Variants in ENOX1 observed in about 807,000 individuals in gnomAD.
ENOX1 encodes ecto-NOX disulfide-thiol exchanger 1.
In ENOX1, 42 loss-of-function variants were observed where a neutral mutation model predicts 82.5. The ratio of observed to expected loss-of-function variants is 0.51; its 90% CI spans 0.40 to 0.66. ENOX1 has a LOEUF of 0.66. Among genes scored for constraint, ENOX1 ranks in the 30% least tolerant of loss-of-function variants. ENOX1 has a pLI of 0.00. For synonymous variants in ENOX1, 271 were observed against 282.2 expected (o/e 0.96, Z 0.40); for missense variants, 608 against 811.6 (o/e 0.75, Z 3.05).
intron 14 of ENOX1, among the ~76,000 whole-genome samples, chr13:43,246,889 A>C (rs1426934995): frequency 2.0e-5 from 3 of 152,224 alleles, no homozygotes; most frequent in Middle Eastern, 3.2e-3. Flanking sequence ...GAAGGAATGG[A>C]AAGAAGCCAT....
At chr13:43,639,963 A>G (rs986671340) in intron 2 of ENOX1, among the ~76,000 whole-genome samples, 3 of 152,180 alleles carry the variant, frequency 2.0e-5, no homozygotes, top group Non-Finnish European at 4.4e-5. Flanking sequence ...CAGGAGGTAG[A>G]TGTTGCAATG....
intron 8 of ENOX1, among the ~76,000 whole-genome samples, chr13:43,354,138 G>GA (rs1482923630): frequency 6.6e-6 from 1 of 152,168 alleles, no homozygotes; most frequent in Non-Finnish European, 1.5e-5. Context: ...GGATATTAAA[G>GA]AAAAATTATT....
chr13:43,610,656 G>A (rs2082161510), intron 2 of ENOX1, among the ~76,000 whole-genome samples: 1 of 152,060 alleles, frequency 6.6e-6, no homozygotes, highest in Non-Finnish European at 1.5e-5. Flanking sequence ...ATTCAGGAGG[G>A]CAGAGGTAAC....
At chr13:43,568,555 T>C (rs2080022251) in intron 2 of ENOX1, among the ~76,000 whole-genome samples, 1 of 152,184 alleles carries the variant, frequency 6.6e-6, no homozygotes, top group Non-Finnish European at 1.5e-5. Context: ...TTCTAGGGGT[T>C]AAGCCAGATC....
At chr13:43,515,563 A>C (rs558864423) in intron 2 of ENOX1, among the ~76,000 whole-genome samples, 1 of 152,294 alleles carries the variant, frequency 6.6e-6, no homozygotes, top group African/African-American at 2.4e-5. Context: ...AAGGTAGATA[A>C]TAGTATTACA....
intron 9 of ENOX1, among the ~76,000 whole-genome samples, chr13:43,333,914 T>C (rs757782684): frequency 1.3e-5 from 2 of 152,248 alleles, no homozygotes; most frequent in Non-Finnish European, 2.9e-5. Context: ...TGAGCCACCG[T>C]GCCCAGCCCT....
Position 43,616,141 on chromosome 13 carries a change from GATATCTAT to G in ENOX1, c.-219+51330_-219+51337del, listed in dbSNP as rs2082429425. Among the ~76,000 whole-genome samples the G allele has an allele frequency of 4.9e-5, 3 of 60,990 alleles. No individual in the cohort carries two copies. In the East Asian group the frequency reaches 1.0e-3, roughly 21 times the overall value. The allele number at this position is 60,990 out of a possible 152,430, so 40.0% of individuals were successfully genotyped here. On this transcript the variant is annotated intron_variant, in intron 2 of 16. Coordinates refer to ENST00000690772, the MANE Select transcript of ENOX1 (RefSeq NM_001347969.2). ...AGATCTATAGATATCTATCTATCTA[GATATCTAT>G]ATAGATAGATATCTATCTATCTATC...
At chr13:43,752,852 T>C (rs74697267) in intron 1 of ENOX1, among the ~76,000 whole-genome samples, 2,267 of 151,992 alleles carry the variant, frequency 0.015, 51 homozygotes, top group African/African-American at 0.05. Context: ...TCCAGGTTCA[T>C]TGCATTTCTT....
At chr13:43,216,423 T>C (rs2041487375) in intron 16 of ENOX1, among the ~76,000 whole-genome samples, 1 of 152,220 alleles carries the variant, frequency 6.6e-6, no homozygotes, top group Admixed American at 6.5e-5. Flanking sequence ...TGTGTGTGTA[T>C]GGAATATTGA....
chr13:43,282,874 C>T (rs2045474259), intron 12 of ENOX1, among the ~76,000 whole-genome samples: 2 of 151,312 alleles, frequency 1.3e-5, no homozygotes, highest in African/African-American at 2.4e-5. Context: ...GGGTAGATCA[C>T]GAGGTCAGGA....
chr13:43,771,799 C>T (rs1951623186), intron 1 of ENOX1, among the ~76,000 whole-genome samples: 1 of 151,454 alleles, frequency 6.6e-6, no homozygotes, highest in African/African-American at 2.4e-5. Flanking sequence ...GAGTCTCGCT[C>T]TGTCGCCCAG....
intron 1 of ENOX1, among the ~76,000 whole-genome samples, chr13:43,752,816 T>C (rs1157680428): frequency 6.6e-6 from 1 of 152,132 alleles, no homozygotes; most frequent in East Asian, 1.9e-4. Context: ...TCCAACCTTC[T>C]TCTTTTTTAA....
At chr13:43,777,661 GC>G (rs759311035) in intron 1 of ENOX1, among the ~76,000 whole-genome samples, 1 of 151,060 alleles carries the variant, frequency 6.6e-6, no homozygotes, top group Non-Finnish European at 1.5e-5. Flanking sequence ...TCTTGCCTCA[GC>G]CCCCCAGGTA....
chr13:43,281,887 T>C (rs1233812555), intron 12 of ENOX1, among the ~76,000 whole-genome samples: 1 of 152,128 alleles, frequency 6.6e-6, no homozygotes, highest in African/African-American at 2.4e-5. Flanking sequence ...AATTTGAAAA[T>C]GTAAATCATG....
At chr13:43,438,485 C>A (rs1210943477) in intron 3 of ENOX1, among the ~76,000 whole-genome samples, 4 of 152,142 alleles carry the variant, frequency 2.6e-5, no homozygotes. Flanking sequence ...GTTTCCACCT[C>A]AAAGGAATTG....
chr13:43,589,048 A>C (rs1478788258), intron 2 of ENOX1, among the ~76,000 whole-genome samples: 1 of 151,800 alleles, frequency 6.6e-6, no homozygotes, highest in African/African-American at 2.4e-5. Flanking sequence ...ATGGATAAAC[A>C]GCTAACTTAC....
intron 1 of ENOX1, among the ~76,000 whole-genome samples, chr13:43,677,343 A>G (rs2085557985): frequency 6.6e-6 from 1 of 152,120 alleles, no homozygotes; most frequent in South Asian, 2.1e-4. Flanking sequence ...GGCCAAAAGG[A>G]AGCAATGGGT....
intron 1 of ENOX1, among the ~76,000 whole-genome samples, chr13:43,748,310 C>T (rs1485381883): frequency 1.3e-5 from 2 of 152,114 alleles, no homozygotes; most frequent in African/African-American, 4.8e-5. Context: ...CTATAATGCC[C>T]AACAATTAAA....
At chr13:43,449,547 TAAAC>T (rs1000537788) in intron 3 of ENOX1, among the ~76,000 whole-genome samples, 5 of 152,354 alleles carry the variant, frequency 3.3e-5, no homozygotes, top group South Asian at 4.1e-4. Flanking sequence ...TAAAAGGTGT[TAAAC>T]AAATTTTAAT....
Sources: allele counts gnomAD v4.1 joint callset (sites outside exome capture counted in the v4.1 genomes callset), GRCh38; gene constraint gnomAD v4.1.1; transcripts MANE v1.5; gene names NCBI Gene and HGNC (gene_info 2026-07-23, HGNC 2026-07-21).